Variants in TBCK observed in about 807,000 individuals in gnomAD.
The protein encoded by TBCK is TBC1 domain containing kinase.
Under a neutral mutation model 113.4 loss-of-function variants are expected in TBCK, and 99 were observed. The ratio of observed to expected loss-of-function variants is 0.87; its 90% CI spans 0.74 to 1.03. The LOEUF (loss-of-function observed/expected upper bound fraction) is 1.03, where lower values mean the gene tolerates loss of function less well. Ranked by LOEUF, TBCK falls within the 50% of genes least tolerant of loss-of-function variation. TBCK has a pLI of 0.00. For missense variants in TBCK, 1,045 were observed against 1,061.3 expected (o/e 0.98, Z 0.21); for synonymous variants, 369 against 370.8 (o/e 1.00, Z 0.05).
At chr4:106,212,351 G>A (rs898095725) in intron 20 of TBCK, among the ~76,000 whole-genome samples, 1 of 152,028 alleles carries the variant, frequency 6.6e-6, no homozygotes, top group African/African-American at 2.4e-5. Context: ...GGACTACAGA[G>A]AAAAGAAAAC....
intron 20 of TBCK, among the ~76,000 whole-genome samples, chr4:106,200,765 A>G (rs759007877): frequency 1.3e-5 from 2 of 152,162 alleles, no homozygotes; most frequent in Non-Finnish European, 2.9e-5. Context: ...CTGGCACATA[A>G]TAGGCACACA....
In TBCK at chr4:106,140,979, T is replaced by C. The variant is rs946093221; in HGVS notation, c.2236-24601A>G. ...AGTCATGGCTTATATTTAGTTCCTA[T>C]TGAATACCAGACAGTGTGTTGATAA... is the stretch of plus-strand genomic sequence containing the variant. On this transcript the variant is annotated intron_variant, in intron 23 of 25. Transcript: ENST00000394708. 5.0e-5 allele frequency among the ~76,000 whole-genome samples: 7 copies of C among 140,484 alleles called. 1 individual carries two copies. Among genetic ancestry groups the C allele is most frequent in the Non-Finnish European group, 1.1e-4 (7 of 61,886 alleles). The allele number at this position is 140,484 out of a possible 152,430, so 92.2% of individuals were successfully genotyped here. A position where few individuals can be genotyped will look rare whatever the true frequency, so the allele number is the denominator to read the frequency against.
At chr4:106,309,269 GT>G (rs1767899914) in intron 1 of TBCK, among the ~76,000 whole-genome samples, 1 of 128,998 alleles carries the variant, frequency 7.8e-6, no homozygotes, top group Admixed American at 7.8e-5. Flanking sequence ...GAGGAAGTTT[GT>G]TACTGCATCT....
chr4:106,132,577 C>T (rs1746082592), intron 23 of TBCK, among the ~76,000 whole-genome samples: 1 of 152,174 alleles, frequency 6.6e-6, no homozygotes. Flanking sequence ...CCTAATGGAG[C>T]TGTGAGAAGA....
intron 24 of TBCK, among the ~76,000 whole-genome samples, chr4:106,096,544 T>C (rs1370795238): frequency 6.6e-6 from 1 of 152,172 alleles, no homozygotes; most frequent in East Asian, 1.9e-4. Context: ...CCTGGTGAAA[T>C]GCTGTAGCAG....
intron 25 of TBCK, among the ~76,000 whole-genome samples, chr4:106,078,564 C>T (rs568192635): frequency 5.3e-5 from 8 of 152,164 alleles, no homozygotes; most frequent in Non-Finnish European, 1.0e-4. Context: ...AAACACATAG[C>T]CTTCTAAGAT....
intron 23 of TBCK, among the ~76,000 whole-genome samples, chr4:106,129,109 A>G (rs1340319461): frequency 6.6e-6 from 1 of 152,232 alleles, no homozygotes; most frequent in Non-Finnish European, 1.5e-5. Flanking sequence ...TCTATCTTAC[A>G]TAATACAGAA....
At chr4:106,288,216 C>T (rs1415796653) in intron 3 of TBCK, among the ~76,000 whole-genome samples, 1 of 151,624 alleles carries the variant, frequency 6.6e-6, no homozygotes, top group African/African-American at 2.4e-5. Flanking sequence ...CAACACGGTG[C>T]AACCCTGTCT....
chr4:106,245,118 C>G (rs758840243), intron 10 of TBCK, among the ~76,000 whole-genome samples: 1 of 152,126 alleles, frequency 6.6e-6, no homozygotes, highest in Non-Finnish European at 1.5e-5. Flanking sequence ...AAAACCTAAA[C>G]TGTAATTGAT....
chr4:106,094,777 A>G (rs1740723444), intron 25 of TBCK, among the ~76,000 whole-genome samples: 2 of 152,116 alleles, frequency 1.3e-5, no homozygotes, highest in South Asian at 4.2e-4. Context: ...GCAGGGAGCA[A>G]GTTACCTCTG....
intron 23 of TBCK, among the ~76,000 whole-genome samples, chr4:106,134,593 G>A (rs1310998550): frequency 1.3e-5 from 2 of 152,154 alleles, no homozygotes; most frequent in Non-Finnish European, 2.9e-5. Context: ...TTTAAGATAC[G>A]ATGTACTTCC....
At chr4:106,152,241 C>T (rs1417091723) in intron 23 of TBCK, among the ~76,000 whole-genome samples, 1 of 151,680 alleles carries the variant, frequency 6.6e-6, no homozygotes, top group East Asian at 1.9e-4. Context: ...TTTTTATTGT[C>T]CTGAGGTATG....
At chr4:106,219,309 A>T (rs1757387105) in intron 19 of TBCK, among the ~76,000 whole-genome samples, 1 of 151,854 alleles carries the variant, frequency 6.6e-6, no homozygotes. Context: ...AGCATGGCAC[A>T]TGTATACGTA....
intron 25 of TBCK, among the ~76,000 whole-genome samples, chr4:106,056,884 A>G (rs1436230923): frequency 6.6e-6 from 1 of 151,794 alleles, no homozygotes; most frequent in Non-Finnish European, 1.5e-5. Context: ...ATAATAGTTA[A>G]GTCTAACATC....
intron 19 of TBCK, among the ~76,000 whole-genome samples, chr4:106,219,912 A>G (rs751910234): frequency 7.2e-5 from 11 of 152,184 alleles, no homozygotes; most frequent in Non-Finnish European, 1.0e-4. Context: ...AGTAACATCT[A>G]TTTTTAAAAC....
chr4:106,227,431 T>G (rs1320597337), intron 19 of TBCK, among the ~76,000 whole-genome samples: 1 of 150,880 alleles, frequency 6.6e-6, no homozygotes, highest in African/African-American at 2.5e-5. Context: ...TTTTTTGAGT[T>G]TACATTTTCC....
At chr4:106,170,664 A>C (rs1750878419) in intron 23 of TBCK, among the ~76,000 whole-genome samples, 1 of 152,128 alleles carries the variant, frequency 6.6e-6, no homozygotes, top group African/African-American at 2.4e-5. Context: ...CCATATTTAT[A>C]AACTGTGTTT....
chr4:106,133,987 G>A (rs963316513), intron 23 of TBCK, among the ~76,000 whole-genome samples: 1 of 151,684 alleles, frequency 6.6e-6, no homozygotes, highest in Non-Finnish European at 1.5e-5. Context: ...TCCAGCCTGG[G>A]CAACAAGAGT....
chr4:106,301,854 T>C (rs1010671847), intron 2 of TBCK, among the ~76,000 whole-genome samples: 10 of 152,148 alleles, frequency 6.6e-5, no homozygotes, highest in Non-Finnish European at 1.5e-5. Flanking sequence ...TCAAAATTCT[T>C]TGAGGAGACA....
Sources: allele counts gnomAD v4.1 joint callset (sites outside exome capture counted in the v4.1 genomes callset), GRCh38; gene constraint gnomAD v4.1.1; transcripts MANE v1.5; gene names NCBI Gene and HGNC (gene_info 2026-07-23, HGNC 2026-07-21).